ARHGEF10L: variants seen among roughly 807,000 people sequenced by gnomAD.
The protein encoded by ARHGEF10L is Rho guanine nucleotide exchange factor 10 like.
In ARHGEF10L, 69 loss-of-function variants were observed where a neutral mutation model predicts 141.2. The observed-to-expected ratio is 0.49, with a 90% CI of 0.40 to 0.60. ARHGEF10L has a LOEUF of 0.60. Ranked by LOEUF, ARHGEF10L falls within the 20% of genes least tolerant of loss-of-function variation. The pLI is 0.00. For missense variants in ARHGEF10L, 1,482 were observed against 1,734.3 expected (o/e 0.85, Z 2.58); for synonymous variants, 711 against 718.5 (o/e 0.99, Z 0.17).
In ARHGEF10L at chr1:17,578,873, CT is replaced by C. The variant is rs2078341696; in HGVS notation, c.-43-1678del. Among the ~76,000 whole-genome samples the C allele has an allele frequency of 2.0e-5, 3 of 152,152 alleles. No individual in the cohort carries two copies. In the South Asian group the frequency reaches 6.2e-4, roughly 32 times the overall value. On this transcript the variant is annotated intron_variant, in intron 1 of 28. Transcript: ENST00000361221. Reference sequence around the variant, plus strand: ...GCAGCACTGTGAGTGCTGTGTGCTCCTTCTGTATGAAACAAGGCATATCTGC... The same window carrying C: ...GCAGCACTGTGAGTGCTGTGTGCTCCTCTGTATGAAACAAGGCATATCTGC...
At chr1:17,606,676 G>A (rs2081209224) in intron 6 of ARHGEF10L, among the ~76,000 whole-genome samples, 1 of 150,964 alleles carries the variant, frequency 6.6e-6, no homozygotes, top group African/African-American at 2.4e-5. Context: ...GATGACAAAA[G>A]CATTTTCATC....
chr1:17,573,990 G>A lies in ARHGEF10L; in HGVS notation c.-43-6563G>A, dbSNP rs781434580. 2.0e-5 allele frequency among the ~76,000 whole-genome samples: 3 copies of A among 152,136 alleles called. No individual in the cohort carries two copies. The highest frequency in any genetic ancestry group is 1.9e-4 in the East Asian group (1 of 5,176). ...GTGAAGAGGAAAGGAAGTTGGAGCC[G>A]CCCCCACCTCGGGAAGCCCTTTGAG... is the stretch of plus-strand genomic sequence containing the variant. On this transcript the variant is annotated intron_variant, in intron 1 of 28. Coordinates refer to ENST00000361221, the MANE Select transcript of ARHGEF10L (RefSeq NM_018125.4). The surrounding 1 kb of genome is among the most constrained non-coding windows in gnomAD (Gnocchi z 4.8).
chr1:17,625,364 C>T lies in ARHGEF10L; in HGVS notation c.1318-592C>T, dbSNP rs973889332. ...AGGCCTGAGTGTGCACACTAAGAGG[C>T]GGCTGAGTTCAGTTGGGTGGTTCTA... is the stretch of plus-strand genomic sequence containing the variant. On this transcript the variant is annotated intron_variant, in intron 13 of 28. Transcript: ENST00000361221. This position sits in a 1 kb window ranked among gnomAD's most constrained non-coding sequence, Gnocchi z 4.5. Among the ~76,000 whole-genome samples the T allele has an allele frequency of 3.3e-5, 5 of 152,122 alleles. No individual in the cohort carries two copies. The highest frequency in any genetic ancestry group is 9.7e-5 in the African/African-American group (4 of 41,428).
At chr1:17,667,682 G>T (rs2063069708) in intron 26 of ARHGEF10L, among the ~76,000 whole-genome samples, 1 of 152,196 alleles carries the variant, frequency 6.6e-6, no homozygotes, top group African/African-American at 2.4e-5. Context: ...TTACAGGCAG[G>T]GGCCTGCGAG....
Position 17,607,696 on chromosome 1 carries a change from C to T in ARHGEF10L, c.434-106C>T, listed in dbSNP as rs868515462. On this transcript the variant is annotated intron_variant, in intron 6 of 28. Coordinates refer to ENST00000361221, the MANE Select transcript of ARHGEF10L (RefSeq NM_018125.4). The surrounding 1 kb of genome is among the most constrained non-coding windows in gnomAD (Gnocchi z 4.5). Reference sequence around the variant, plus strand: ...GAGCCCCAGGGCCCCCATGTTCTCCCTGACCCCCCCTCGCCCCACCTGGGT... The same window carrying T: ...GAGCCCCAGGGCCCCCATGTTCTCCTTGACCCCCCCTCGCCCCACCTGGGT... 2.4e-6 allele frequency: 3 copies of T among 1,224,700 alleles called. No homozygotes were observed. Among genetic ancestry groups the T allele is most frequent in the African/African-American group, 1.6e-5 (1 of 62,756 alleles). The allele number at this position is 1,224,700 out of a possible 1,614,324, so 75.9% of individuals were successfully genotyped here. A position where few individuals can be genotyped will look rare whatever the true frequency, so the allele number is the denominator to read the frequency against.
intron 1 of ARHGEF10L, among the ~76,000 whole-genome samples, chr1:17,550,631 G>C (rs1321896658): frequency 3.7e-5 from 5 of 135,622 alleles, no homozygotes; most frequent in African/African-American, 5.7e-5. Flanking sequence ...CAACGAGAGT[G>C]AAACTCCATC....
rs1162885842 is a variant in ARHGEF10L, at chr1:17,644,743, AG to A, written c.2273-3808del. On this transcript the variant is annotated intron_variant, in intron 21 of 28. Coordinates refer to ENST00000361221, the MANE Select transcript of ARHGEF10L (RefSeq NM_018125.4). This position sits in a 1 kb window ranked among gnomAD's most constrained non-coding sequence, Gnocchi z 4.5. ...GGGAGGCAGGTCGGGCTGGAGAAGC[AG>A]GGCTGGGCCCGCGGTGGGCTCAGCT... Among the ~76,000 whole-genome samples the A allele has an allele frequency of 2.6e-5, 4 of 152,198 alleles. No homozygotes were observed. The East Asian group carries it at 7.7e-4, about 29-fold the overall frequency.
chr1:17,632,201 C>A, intron 15 of ARHGEF10L, 120 bp from the exon 16 acceptor site: 1 of 1,303,498 alleles, frequency 7.7e-7, no homozygotes, highest in Non-Finnish European at 1.1e-6. Flanking sequence ...GTGGCTTCAT[C>A]TCCTCCACCT....
chr1:17,556,694 AGCCT>A (rs1469834635), intron 1 of ARHGEF10L, among the ~76,000 whole-genome samples: 3 of 152,182 alleles, frequency 2.0e-5, no homozygotes, highest in African/African-American at 7.2e-5. Context: ...CACCCAGACA[AGCCT>A]GCTAAGAAGG....
At chr1:17,622,856 G>T in intron 11 of ARHGEF10L, 140 bp from the exon 12 acceptor site, 1 of 802,206 alleles carries the variant, frequency 1.2e-6, no homozygotes, top group Non-Finnish European at 1.9e-6. Context: ...CTTCCGGAAG[G>T]ACGCATGAGG....
At chr1:17,559,254 C>T (rs1383220715) in intron 1 of ARHGEF10L, among the ~76,000 whole-genome samples, 1 of 152,154 alleles carries the variant, frequency 6.6e-6, no homozygotes, top group African/African-American at 2.4e-5. Context: ...GGAGTTATTT[C>T]TGGTAAAGCA....
At chr1:17,661,720 G>T (rs963692931) in intron 25 of ARHGEF10L, among the ~76,000 whole-genome samples, 1 of 152,210 alleles carries the variant, frequency 6.6e-6, no homozygotes, top group Non-Finnish European at 1.5e-5. Context: ...TTAGACTCCA[G>T]CTTCCAGCCA....
intron 1 of ARHGEF10L, among the ~76,000 whole-genome samples, chr1:17,544,849 G>A (rs539454006): frequency 3.4e-4 from 51 of 152,222 alleles, no homozygotes; most frequent in African/African-American, 1.1e-3. Context: ...ATGGTAGAAG[G>A]CGAAGGAGGA....
At chr1:17,640,455 G>A (rs759551268) in intron 21 of ARHGEF10L, among the ~76,000 whole-genome samples, 153 bp downstream of exon 21, 18 of 152,022 alleles carry the variant, frequency 1.2e-4, no homozygotes, top group Admixed American at 2.6e-4. Context: ...GAAACAGCTG[G>A]GGCCAGAGCC....
intron 1 of ARHGEF10L, among the ~76,000 whole-genome samples, chr1:17,571,169 A>G (rs893997515): frequency 1.1e-4 from 16 of 152,054 alleles, no homozygotes; most frequent in Admixed American, 7.9e-4. Flanking sequence ...TGTAGCCTGA[A>G]CCTGGGAACT....
rs1231147144 is a variant in ARHGEF10L, at chr1:17,612,655, A to C, written c.610-403A>C. On this transcript the variant is annotated intron_variant, in intron 7 of 28. Transcript: ENST00000361221. ...TCCACCTGCCATCTGTCTATCTCAC[A>C]AACTTACAGAGAAGCTCCTATGTTA... Among the ~76,000 whole-genome samples the C allele has an allele frequency of 2.6e-5, 4 of 152,166 alleles. No individual in the cohort carries two copies. In the East Asian group the frequency reaches 7.7e-4, roughly 29 times the overall value.
At position 17,634,707 on chromosome 1, in the gene ARHGEF10L, G is replaced by T; in HGVS notation, c.1746-128G>T. 2.1e-6 allele frequency: 3 copies of T among 1,456,602 alleles called. 1 individual carries two copies. Among genetic ancestry groups the T allele is most frequent in the South Asian group, 1.3e-5 (1 of 74,678 alleles). The allele number at this position is 1,456,602 out of a possible 1,614,324, so 90.2% of individuals were successfully genotyped here. On this transcript the variant is annotated intron_variant, in intron 17 of 28. Transcript: ENST00000361221. ...TCCCTGCTCTGCCTGGCTTGGTTTT[G>T]GTCTGAGGTCTTGCGCTGGGGCTGC...
At chr1:17,546,206 T>TAAGA (rs1181063702) in intron 1 of ARHGEF10L, among the ~76,000 whole-genome samples, 6 of 152,136 alleles carry the variant, frequency 3.9e-5, no homozygotes, top group Non-Finnish European at 8.8e-5. Context: ...TTGCTGGTCT[T>TAAGA]CCAGCCCCTG....
At chr1:17,520,730 A>G in the ARHGEF10L span, among the ~76,000 whole-genome samples, 1 of 152,202 alleles carries the variant, frequency 6.6e-6, no homozygotes. Flanking sequence ...TGAGAACGGC[A>G]GAGGTGGACT....
Sources: gnomAD v4.1 joint callset for allele counts (sites outside exome capture counted in the v4.1 genomes callset) on GRCh38, gnomAD v4.1.1 for gene constraint, Gnocchi (gnomAD v3.1) non-coding constraint, MANE v1.5 for transcripts, NCBI Gene and HGNC (gene_info 2026-07-23, HGNC 2026-07-21) for gene names.